Variants in FANCI observed in about 807,000 individuals in gnomAD.
FANCI encodes the protein FA complementation group I, also known as Fanconi anemia group I protein.
In FANCI, 156 loss-of-function variants were observed where a neutral mutation model predicts 176.1. That is an observed-to-expected ratio of 0.89 (90% confidence interval 0.78 to 1.01). FANCI has a LOEUF of 1.01. Ranked by LOEUF, FANCI falls within the 50% of genes least tolerant of loss-of-function variation. The pLI is 0.00. For synonymous variants in FANCI, 613 were observed against 541.7 expected (o/e 1.13, Z -1.83); for missense variants, 1,678 against 1,534.1 (o/e 1.09, Z -1.57).
rs143590561 is a variant in FANCI, at chr15:89,314,642, C to A, written c.3751C>A (p.Pro1251Thr). The change falls in exon 36 of 38, where the codon CCT (proline) becomes ACT (threonine). Residue 1251 changes from proline to threonine, a missense_variant. This residue lies in a region of FANCI where 1,204 missense variants were observed against 1,077.4 expected (regional missense o/e 1.12). Transcript: ENST00000310775. The stretch of plus-strand genomic sequence containing the variant: ...AGTTCTTCGGGAAACCAAGCCAATC[C>A]CTAACCTCATCTTTGCCATAGAACA... The part of the protein sequence containing the change: ...ARVLRETKPI[P>T]NLIFAIEQYE... The A allele has an allele frequency of 3.7e-6, 6 of 1,613,992 alleles. No homozygotes were observed.
chr15:89,246,766 T>TC (rs200222352), intron 1 of FANCI, among the ~76,000 whole-genome samples: 12,006 of 137,350 alleles, frequency 0.087, 663 homozygotes, highest in African/African-American at 0.16. Context: ...TTCCTTTCTT[T>TC]TTTTTTTTTT....
Position 89,306,234 on chromosome 15 carries a change from C to T in FANCI, c.3537+40C>T, listed in dbSNP as rs766631001. 7 of 1,598,606 alleles carry T rather than the reference C, an allele frequency of 4.4e-6. No individual in the cohort carries two copies. The South Asian group carries it at 6.6e-5, about 15-fold the overall frequency. ...CAAGCAGATTCGCCCCACCATTCTA[C>T]CCCAGTGAGCCAGGAGATGAGGATG... On this transcript the variant is annotated intron_variant, in intron 32 of 37. Coordinates refer to ENST00000310775, the MANE Select transcript of FANCI (RefSeq NM_001113378.2).
Position 89,305,338 on chromosome 15 carries a change from C to T in FANCI, c.3187-3C>T. On this transcript the variant is annotated splice_region_variant and splice_polypyrimidine_tract_variant and intron_variant, in intron 29 of 37. Transcript: ENST00000310775. The stretch of plus-strand genomic sequence containing the variant: ...TAGGTCTCACCTCTCTTCTTTTCCC[C>T]AGGATGTAGAGGTGGAGAAAACAAA... 1 of 1,614,178 alleles carries T rather than the reference C, an allele frequency of 6.2e-7. No individual in the cohort carries two copies. The highest frequency in any genetic ancestry group is 8.5e-7 in the Non-Finnish European group (1 of 1,180,028).
chr15:89,315,326 C>T lies in FANCI; in HGVS notation c.3861C>T (p.Phe1287=). The T allele has an allele frequency of 1.2e-6, 2 of 1,614,122 alleles. No individual in the cohort carries two copies. Among genetic ancestry groups the T allele is most frequent in the African/African-American group, 1.3e-5 (1 of 75,038 alleles). ...TGAAGCTCAGCACCTCACGAGACTT[C>T]AAGATCAAAGGAAACATCCTAGACA... ...QHMKLSTSRD[F]KIKGNILDMV... is the part of the protein sequence containing the mutation. The change falls in exon 37 of 38, where the codon TTC becomes TTT. Residue 1287 remains phenylalanine, a synonymous_variant. Transcript: ENST00000310775.
At chr15:89,305,824 C>T in intron 31 of FANCI, 126 bp downstream of exon 31, 3 of 1,156,164 alleles carry the variant, frequency 2.6e-6, no homozygotes, top group Non-Finnish European at 1.3e-6. Context: ...AGATTTTTTC[C>T]TATGTGATGA....
At position 89,283,238 on chromosome 15, in the gene FANCI, C is replaced by T. The variant is rs2151580955; in HGVS notation, c.1686C>T (p.Leu562=). The change falls in exon 17 of 38, where the codon CTC becomes CTT. Residue 562 remains leucine, a synonymous_variant. Transcript: ENST00000310775. ...SLSSSQCSQS[L]SVSQVHVDVH... is the part of the protein sequence containing the mutation. The stretch of plus-strand genomic sequence containing the variant: ...CATCCTCTCAGTGCAGTCAGTCTCT[C>T]AGTGTCAGTCAGGTAAGGATTATTT... The T allele has an allele frequency of 6.2e-7, 1 of 1,613,960 alleles. No individual in the cohort carries two copies. The highest frequency in any genetic ancestry group is 1.1e-5 in the South Asian group (1 of 91,076).
intron 9 of FANCI, 39 bp from the exon 10 acceptor site, chr15:89,268,360 T>A: frequency 3.7e-6 from 6 of 1,612,900 alleles, no homozygotes; most frequent in Non-Finnish European, 4.2e-6. Flanking sequence ...CATGAGCCAC[T>A]GCACCTTATA....
In FANCI at chr15:89,281,789, AT is replaced by A; in HGVS notation, c.1538del (p.Met513ArgfsTer5). On this transcript the variant is annotated frameshift_variant, in exon 16 of 38. Coordinates refer to ENST00000310775, the MANE Select transcript of FANCI (RefSeq NM_001113378.2). LOFTEE classifies it high-confidence loss of function. ...VQPLLKVSMS[M>X]RDCLILVLRK... The stretch of plus-strand genomic sequence containing the variant: ...GCCCCTTCTCAAAGTCAGCATGTCA[AT>A]GAGAGACTGCTTGATACTTGTCCTT... The A allele has an allele frequency of 6.2e-7, 1 of 1,613,948 alleles. No individual in the cohort carries two copies. Among genetic ancestry groups the A allele is most frequent in the Non-Finnish European group, 8.5e-7 (1 of 1,179,920 alleles).
chr15:89,252,980 C>G lies in FANCI; in HGVS notation c.84+5249C>G, dbSNP rs538510743. 1.2e-4 allele frequency among the ~76,000 whole-genome samples: 19 copies of G among 152,196 alleles called. No individual in the cohort carries two copies. In the South Asian group the frequency reaches 3.9e-3, roughly 32 times the overall value. On this transcript the variant is annotated intron_variant, in intron 2 of 37. Coordinates refer to ENST00000310775, the MANE Select transcript of FANCI (RefSeq NM_001113378.2). ...AAATTCATATAGCAAATTGTACACA[C>G]AGGGATAGTTAGGGAAAAGCTGAAA... is the stretch of plus-strand genomic sequence containing the variant.
chr15:89,286,806 T>A (rs2053833128), intron 18 of FANCI, among the ~76,000 whole-genome samples: 2 of 152,072 alleles, frequency 1.3e-5, no homozygotes, highest in African/African-American at 4.8e-5. Flanking sequence ...GGCATTGACT[T>A]CTCCTCCCTA....
In FANCI at chr15:89,281,888, C is replaced by T. The variant is rs142697734; in HGVS notation, c.1583+53C>T. On this transcript the variant is annotated intron_variant, in intron 16 of 37. Coordinates refer to ENST00000310775, the MANE Select transcript of FANCI (RefSeq NM_001113378.2). ...AAGACGTTGTCTTCTAATGTTGGAG[C>T]TAAAGTTATCTCTGCCATCTCCTAG... 3,321 of 1,501,190 alleles carry T rather than the reference C, an allele frequency of 2.2e-3. 36 individuals carry two copies. Among genetic ancestry groups the T allele is most frequent in the East Asian group, 0.014 (641 of 44,272 alleles). The allele number at this position is 1,501,190 out of a possible 1,614,324, so 93.0% of individuals were successfully genotyped here.
chr15:89,266,846 C>CT lies in FANCI; in HGVS notation c.756-1541dup, dbSNP rs940928487. Among the ~76,000 whole-genome samples the CT allele has an allele frequency of 4.6e-3, 673 of 145,254 alleles. 3 individuals carry two copies. The highest frequency in any genetic ancestry group is 0.014 in the African/African-American group (564 of 39,742). On this transcript the variant is annotated intron_variant, in intron 9 of 37. Coordinates refer to ENST00000310775, the MANE Select transcript of FANCI (RefSeq NM_001113378.2). ...GATTTTGGAGAAAATAATTAGCTCA[C>CT]TTTTTTTTTTTTAATTAGCTCACTT...
At chr15:89,282,840 G>C (rs2053666924) in intron 16 of FANCI, 1 of 387,984 alleles carries the variant, frequency 2.6e-6, no homozygotes, top group African/African-American at 2.1e-5. Context: ...TGAGTAACCA[G>C]CCAATTTTAC....
At chr15:89,277,351 C>T (rs1048878856) in intron 13 of FANCI, among the ~76,000 whole-genome samples, 3 of 152,076 alleles carry the variant, frequency 2.0e-5, no homozygotes, top group Non-Finnish European at 4.4e-5. Flanking sequence ...CATGGTGGCT[C>T]AAGCCTATAA....
In FANCI at chr15:89,281,839, T is replaced by C. The variant is rs2053625732; in HGVS notation, c.1583+4T>C. 1.2e-6 allele frequency: 2 copies of C among 1,613,340 alleles called. No individual in the cohort carries two copies. The highest frequency in any genetic ancestry group is 1.7e-6 in the Non-Finnish European group (2 of 1,179,460). ...TTCGGAAAGCTATGTTTGCCAAGTA[T>C]GTAGCATCTTTTTCTATCATAGGAA... On this transcript the variant is annotated splice_donor_region_variant and intron_variant, in intron 16 of 37. Coordinates refer to ENST00000310775, the MANE Select transcript of FANCI (RefSeq NM_001113378.2).
In FANCI at chr15:89,306,108, A is replaced by G. The variant is rs776319075; in HGVS notation, c.3451A>G (p.Thr1151Ala). 1 of 1,614,170 alleles carries G rather than the reference A, an allele frequency of 6.2e-7. No individual in the cohort carries two copies. Among genetic ancestry groups the G allele is most frequent in the Non-Finnish European group, 8.5e-7 (1 of 1,180,004 alleles). ...LLTFFHELVQTALPSGSCVDT... is the reference protein window; with the variant it reads ...LLTFFHELVQAALPSGSCVDT... Reference sequence around the variant, plus strand: ...TACATTTTTCCACGAGCTGGTGCAGACAGCTCTGCCATCAGGCAGCTGTGT... The same window carrying G: ...TACATTTTTCCACGAGCTGGTGCAGGCAGCTCTGCCATCAGGCAGCTGTGT... Residue 1151 changes from threonine (T) to alanine (A), a missense_variant, in exon 32 of 38, where the codon ACA (threonine) becomes GCA (alanine). This residue lies in a region of FANCI where 1,204 missense variants were observed against 1,077.4 expected (regional missense o/e 1.12). Coordinates refer to ENST00000310775, the MANE Select transcript of FANCI (RefSeq NM_001113378.2).
chr15:89,301,572 C>A (rs997587476), intron 27 of FANCI, 130 bp downstream of exon 27: 1 of 775,224 alleles, frequency 1.3e-6, no homozygotes, highest in Admixed American at 1.8e-5. Flanking sequence ...AATTATACAC[C>A]TGAGTTAATA....
intron 28 of FANCI, among the ~76,000 whole-genome samples, chr15:89,304,756 C>G (rs1185031275): frequency 6.6e-6 from 1 of 151,438 alleles, no homozygotes; most frequent in East Asian, 1.9e-4. Context: ...ACCTGAGGGA[C>G]CTGACTGGGT....
At position 89,306,078 on chromosome 15, in the gene FANCI, C is replaced by G. The variant is rs2054706352; in HGVS notation, c.3421C>G (p.Leu1141Val). 1.9e-6 allele frequency: 3 copies of G among 1,614,076 alleles called. No individual in the cohort carries two copies. Among genetic ancestry groups the G allele is most frequent in the African/African-American group, 1.3e-5 (1 of 74,918 alleles). The change falls in exon 32 of 38, where the codon CTG (leucine) becomes GTG (valine). Residue 1141 changes from leucine (L) to valine (V), a missense_variant. By Grantham distance (32) the Leu-to-Val change is conservative. This residue lies in a region of FANCI where 1,204 missense variants were observed against 1,077.4 expected (regional missense o/e 1.12). Coordinates refer to ENST00000310775, the MANE Select transcript of FANCI (RefSeq NM_001113378.2). Reference protein sequence around the residue: ...EKAIIMQLGTLLTFFHELVQT... With the variant: ...EKAIIMQLGTVLTFFHELVQT... ...AGCTATCATCATGCAACTGGGAACT[C>G]TGCTTACATTTTTCCACGAGCTGGT... is the stretch of plus-strand genomic sequence containing the variant.
Sources: gnomAD v4.1 joint callset for allele counts (sites outside exome capture counted in the v4.1 genomes callset) on GRCh38, gnomAD v4.1.1 for gene constraint, gnomAD v4.1.1 regional missense constraint, MANE v1.5 for transcripts, NCBI Gene and HGNC (gene_info 2026-07-23, HGNC 2026-07-21) for gene names.